The following SKP2 variants were observed in gnomAD, a reference collection of about 807,000 sequenced individuals.
SKP2 encodes S-phase kinase-associated protein 2.
SKP2 carries 16 observed loss-of-function variants against 51.8 expected under a neutral mutation model. The ratio of observed to expected loss-of-function variants is 0.31; its 90% CI spans 0.21 to 0.47. The LOEUF (loss-of-function observed/expected upper bound fraction) is 0.47, where lower values mean the gene tolerates loss of function less well. Ranked by LOEUF, SKP2 falls within the 20% of genes least tolerant of loss-of-function variation. The probability of loss-of-function intolerance (pLI) is 1.00; values close to 1 mark genes in which losing one functional copy is unlikely to be tolerated. For missense variants in SKP2, 377 were observed against 505.3 expected (o/e 0.75, Z 2.43); for synonymous variants, 176 against 198.6 (o/e 0.89, Z 0.96).
intron 6 of SKP2, 149 bp downstream of exon 6, chr5:36,170,591 T>G: frequency 3.7e-6 from 2 of 537,144 alleles, no homozygotes; most frequent in Non-Finnish European, 6.6e-6. Flanking sequence ...CCCTCCTAAC[T>G]TTCTGTCCAA....
intron 7 of SKP2, chr5:36,192,754 T>C (rs1746064226): frequency 6.6e-6 from 1 of 152,194 alleles, no homozygotes; most frequent in South Asian, 2.1e-4. Flanking sequence ...TAACAGTGAA[T>C]GAAGTCAACA....
chr5:36,163,295 C>T (rs2111968031), intron 2 of SKP2, among the ~76,000 whole-genome samples: 1 of 152,304 alleles, frequency 6.6e-6, no homozygotes, highest in Non-Finnish European at 1.5e-5. Context: ...CTCTGTACCA[C>T]TCTTCATGCC....
chr5:36,166,721 A>C (rs1453679898), intron 4 of SKP2, 59 bp downstream of exon 4: 1 of 1,391,584 alleles, frequency 7.2e-7, no homozygotes, highest in Non-Finnish European at 9.9e-7. Flanking sequence ...GAAACAGATC[A>C]AAGCTTTTTT....
intron 7 of SKP2, 44 bp downstream of exon 7, chr5:36,171,777 A>G (rs1579567015): frequency 1.3e-6 from 2 of 1,590,934 alleles, no homozygotes; most frequent in Non-Finnish European, 1.7e-6. Flanking sequence ...TCACAACATA[A>G]TAGATGAGAT....
At chr5:36,186,606 G>A (rs192552722), downstream of SKP2, among the ~76,000 whole-genome samples, 3,268 of 152,142 alleles carry the variant, frequency 0.021, 39 homozygotes, top group South Asian at 0.044. Flanking sequence ...CCACTTGATC[G>A]TGGTGGATAA....
At chr5:36,175,324 G>A (rs968403608) in intron 7 of SKP2, among the ~76,000 whole-genome samples, 5 of 152,048 alleles carry the variant, frequency 3.3e-5, no homozygotes, top group Non-Finnish European at 5.9e-5. Flanking sequence ...GAGAAATTGA[G>A]TATTTGATTT....
intron 6 of SKP2, among the ~76,000 whole-genome samples, chr5:36,190,649 C>CT (rs1182730698): frequency 5.3e-5 from 6 of 112,684 alleles, no homozygotes; most frequent in African/African-American, 1.2e-4. Flanking sequence ...ACCACTATGC[C>CT]TTTTTTTAAA....
chr5:36,152,319 A>G, intron 1 of SKP2, 49 bp downstream of exon 1: 1 of 1,570,824 alleles, frequency 6.4e-7, no homozygotes, highest in Non-Finnish European at 8.8e-7. Flanking sequence ...CCCTCTTAAT[A>G]ATTCTTTTAG....
At chr5:36,171,885 G>C in intron 7 of SKP2, 152 bp downstream of exon 7, 1 of 724,010 alleles carries the variant, frequency 1.4e-6, no homozygotes, top group East Asian at 2.8e-5. Flanking sequence ...CTGCTAATCA[G>C]AATGGTTAGG....
At chr5:36,158,051 G>A (rs528380310) in intron 2 of SKP2, among the ~76,000 whole-genome samples, 50 of 152,334 alleles carry the variant, frequency 3.3e-4, no homozygotes, top group African/African-American at 1.2e-3. Context: ...GAGGGTGATT[G>A]TAGTAGGTTT....
chr5:36,183,367 C>T lies in SKP2; in HGVS notation c.*1336C>T, dbSNP rs1745874481. 3 of 259,972 alleles carry T rather than the reference C, an allele frequency of 1.2e-5. No individual in the cohort carries two copies. The highest frequency in any genetic ancestry group is 2.3e-5 in the African/African-American group (1 of 43,156). The allele number at this position is 259,972 out of a possible 1,614,324, so 16.1% of individuals were successfully genotyped here. ...CTGCAAGCTCCGCCTCCCAGGTTCA[C>T]GTCATTCTCCTGCCTCAGCCTCCCG... On this transcript the variant is annotated 3_prime_UTR_variant, in exon 10 of 10. Coordinates refer to ENST00000274255, the MANE Select transcript of SKP2 (RefSeq NM_005983.4).
chr5:36,171,665 T>C lies in SKP2; in HGVS notation c.833T>C (p.Val278Ala), dbSNP rs1171677684. ...ACTGAAAAGCATGTACAGGTGGCTG[T>C]TGCGCATGTGTCAGAGACCATCACC... ...DFTEKHVQVA[V>A]AHVSETITQL... The change falls in exon 7 of 10, where the codon GTT becomes GCT. Residue 278 changes from valine to alanine, a missense_variant. Transcript: ENST00000274255. 26 of 1,613,804 alleles carry C rather than the reference T, an allele frequency of 1.6e-5. No homozygotes were observed. The highest frequency in any genetic ancestry group is 2.1e-5 in the Non-Finnish European group (25 of 1,179,798).
At chr5:36,164,070 C>T (rs74575895) in intron 3 of SKP2, among the ~76,000 whole-genome samples, 14,613 of 152,126 alleles carry the variant, frequency 0.096, 1,060 homozygotes, top group African/African-American at 0.19. Flanking sequence ...ATGCAGACAG[C>T]GGTTCCTCAC....
intron 7 of SKP2, among the ~76,000 whole-genome samples, chr5:36,174,538 C>T (rs1745571904): frequency 6.6e-6 from 1 of 152,002 alleles, no homozygotes; most frequent in South Asian, 2.1e-4. Flanking sequence ...ATTTATTGAG[C>T]ACCTACAGTG....
Position 36,167,613 on chromosome 5 carries a change from C to CTT in SKP2, c.537-692_537-691dup, listed in dbSNP as rs34943870. Among the ~76,000 whole-genome samples, 973 of 150,296 alleles carry CTT rather than the reference C, an allele frequency of 6.5e-3. 8 individuals carry two copies. Among genetic ancestry groups the CTT allele is most frequent in the African/African-American group, 0.018 (755 of 41,164 alleles). On this transcript the variant is annotated intron_variant, in intron 4 of 9. Transcript: ENST00000274255. ...TTAGCATAACTCAAATTTGGCCTCC[C>CTT]TTTTTTTTTATTGTTTTTGTTTTTT...
Position 36,157,065 on chromosome 5 carries a change from A to AT in SKP2, c.280+4024dup, listed in dbSNP as rs543809369. Reference sequence around the variant, plus strand: ...TAGTTCATTCTTTATATGTACATATATGCTAGTCAAACCCACTAAATTGAT... The same window carrying AT: ...TAGTTCATTCTTTATATGTACATATATTGCTAGTCAAACCCACTAAATTGAT... On this transcript the variant is annotated intron_variant, in intron 2 of 9. Coordinates refer to ENST00000274255, the MANE Select transcript of SKP2 (RefSeq NM_005983.4). Among the ~76,000 whole-genome samples the AT allele has an allele frequency of 1.4e-4, 22 of 152,310 alleles. No individual in the cohort carries two copies. The East Asian group carries it at 4.2e-3, about 29-fold the overall frequency.
intron 9 of SKP2, 70 bp from the exon 10 acceptor site, chr5:36,181,748 G>C: frequency 6.5e-7 from 1 of 1,530,154 alleles, no homozygotes. Flanking sequence ...GTAAAATTTG[G>C]GTCATATAAC....
Position 36,152,765 on chromosome 5 carries a change from C to T in SKP2, c.9-6C>T. On this transcript the variant is annotated splice_polypyrimidine_tract_variant and splice_region_variant and intron_variant, in intron 1 of 9. Coordinates refer to ENST00000274255, the MANE Select transcript of SKP2 (RefSeq NM_005983.4). ...AAGGAACCGGGGGTATTGTGCACTT[C>T]TGCAGGAAGCACCTCCAGGAGATTC... 1 of 1,612,566 alleles carries T rather than the reference C, an allele frequency of 6.2e-7. No homozygotes were observed. Among genetic ancestry groups the T allele is most frequent in the Non-Finnish European group, 8.5e-7 (1 of 1,179,626 alleles).
At chr5:36,157,154 G>A (rs1452044727) in intron 2 of SKP2, among the ~76,000 whole-genome samples, 3 of 57,136 alleles carry the variant, frequency 5.3e-5, no homozygotes, top group Non-Finnish European at 2.1e-4. Flanking sequence ...GCCTTTATGG[G>A]ATCTTCCCAG....
Sources: gnomAD v4.1 joint callset for allele counts (sites outside exome capture counted in the v4.1 genomes callset) on GRCh38, gnomAD v4.1.1 for gene constraint, MANE v1.5 for transcripts, NCBI Gene and HGNC (gene_info 2026-07-23, HGNC 2026-07-21) for gene names.